MALRD1: variants seen among roughly 807,000 people sequenced by gnomAD.
MALRD1 encodes MAM and LDL-receptor class A domain-containing protein 1.
In MALRD1, 247 loss-of-function variants were observed where a neutral mutation model predicts 242.1. The ratio of observed to expected loss-of-function variants is 1.02; its 90% confidence interval spans 0.92 to 1.13. MALRD1 has a LOEUF of 1.13. Among genes scored for constraint, MALRD1 ranks in the 50% most tolerant of loss-of-function variants. The pLI is 0.00. For missense variants in MALRD1, 2,989 were observed against 2,533.1 expected (o/e 1.18, Z -3.86); for synonymous variants, 995 against 866.6 (o/e 1.15, Z -2.60).
intron 38 of MALRD1, among the ~76,000 whole-genome samples, chr10:19,706,508 G>A (rs999771695): frequency 2.0e-5 from 3 of 151,816 alleles, no homozygotes; most frequent in East Asian, 1.9e-4. Flanking sequence ...CTGCCACCAC[G>A]CCTGGCTAAT....
intron 29 of MALRD1, among the ~76,000 whole-genome samples, chr10:19,467,309 C>G (rs1242609210): frequency 2.8e-5 from 4 of 140,504 alleles, no homozygotes; most frequent in Admixed American, 1.6e-4. Flanking sequence ...GAGCCGAGAT[C>G]GCGCCACTGC....
At chr10:19,651,338 T>C (rs1840878360) in intron 36 of MALRD1, among the ~76,000 whole-genome samples, 3 of 152,146 alleles carry the variant, frequency 2.0e-5, no homozygotes, top group South Asian at 4.1e-4. Flanking sequence ...AATGTTTCTT[T>C]CTAAATTAAA....
At chr10:19,318,526 T>TA (rs542825253) in intron 21 of MALRD1, among the ~76,000 whole-genome samples, 12 of 151,408 alleles carry the variant, frequency 7.9e-5, no homozygotes, top group African/African-American at 2.7e-4. Flanking sequence ...GTTTTTTTTT[T>TA]TTATTATTTG....
At chr10:19,334,957 G>C (rs887117467) in intron 24 of MALRD1, among the ~76,000 whole-genome samples, 1 of 151,928 alleles carries the variant, frequency 6.6e-6, no homozygotes, top group Admixed American at 6.6e-5. Context: ...AATATTTCTT[G>C]AACTCTTTGT....
chr10:19,131,803 AT>A (rs1427175970), intron 8 of MALRD1, among the ~76,000 whole-genome samples: 1 of 152,170 alleles, frequency 6.6e-6, no homozygotes, highest in Non-Finnish European at 1.5e-5. Context: ...GCAAAGATAT[AT>A]TTTTTAAAAA....
intron 18 of MALRD1, among the ~76,000 whole-genome samples, chr10:19,228,977 A>ATG (rs542765706): frequency 0.11 from 10,213 of 90,334 alleles, 414 homozygotes; most frequent in East Asian, 0.31. Flanking sequence ...TGGGGAATGC[A>ATG]TGTGGTGTGT....
At chr10:19,734,046 A>T in intron 39 of MALRD1, 111 bp from the exon 40 acceptor site, 1 of 744,530 alleles carries the variant, frequency 1.3e-6, no homozygotes, top group Non-Finnish European at 2.1e-6. Flanking sequence ...TCTAGTTATT[A>T]CTCCAGTGAA....
chr10:19,107,671 A>T (rs1434222484), intron 5 of MALRD1, among the ~76,000 whole-genome samples: 1 of 150,400 alleles, frequency 6.6e-6, no homozygotes, highest in Non-Finnish European at 1.5e-5. Context: ...CTTTCATTTT[A>T]GTCGTTATTT....
chr10:19,611,492 A>G (rs1838893295), intron 35 of MALRD1, among the ~76,000 whole-genome samples: 1 of 152,046 alleles, frequency 6.6e-6, no homozygotes, highest in South Asian at 2.1e-4. Flanking sequence ...TTTCTGTGTA[A>G]TCAGTTGTGA....
intron 36 of MALRD1, among the ~76,000 whole-genome samples, chr10:19,642,162 G>T (rs943275270): frequency 5.3e-5 from 8 of 152,116 alleles, no homozygotes; most frequent in African/African-American, 1.9e-4. Flanking sequence ...GTTAGTTTAT[G>T]CATCTTCTCA....
intron 19 of MALRD1, among the ~76,000 whole-genome samples, chr10:19,258,206 A>G (rs1839602554): frequency 6.6e-6 from 1 of 152,160 alleles, no homozygotes; most frequent in Admixed American, 6.6e-5. Context: ...TATGTCTATT[A>G]AAATGACATA....
At chr10:19,457,966 T>C (rs970702731) in intron 29 of MALRD1, among the ~76,000 whole-genome samples, 1 of 152,088 alleles carries the variant, frequency 6.6e-6, no homozygotes, top group Non-Finnish European at 1.5e-5. Flanking sequence ...AAAGAATATT[T>C]GTTAACTACA....
At chr10:19,279,912 A>C (rs1840720869) in intron 19 of MALRD1, 135 bp from the exon 20 acceptor site, 6 of 557,068 alleles carry the variant, frequency 1.1e-5, no homozygotes, top group Non-Finnish European at 2.8e-6. Flanking sequence ...TTATTTTAGC[A>C]GAGTAGCTGA....
chr10:19,449,026 G>A (rs918404175), intron 28 of MALRD1, among the ~76,000 whole-genome samples: 9 of 152,216 alleles, frequency 5.9e-5, no homozygotes, highest in African/African-American at 1.9e-4. Context: ...TACACAATAT[G>A]AGTAGAAGTT....
chr10:19,415,621 A>G (rs1229867659), intron 28 of MALRD1, among the ~76,000 whole-genome samples: 3 of 152,180 alleles, frequency 2.0e-5, no homozygotes, highest in East Asian at 3.8e-4. Context: ...AAGTTGACTA[A>G]TTTTTTAAAA....
At chr10:19,241,104 C>T (rs1838749627) in intron 18 of MALRD1, among the ~76,000 whole-genome samples, 1 of 152,068 alleles carries the variant, frequency 6.6e-6, no homozygotes, top group Non-Finnish European at 1.5e-5. Context: ...CTTCCTTCCT[C>T]ATTACTTTTG....
chr10:19,730,875 T>C, intron 39 of MALRD1, 94 bp downstream of exon 39: 1 of 1,134,366 alleles, frequency 8.8e-7, no homozygotes, highest in Non-Finnish European at 1.2e-6. Flanking sequence ...TGCTTGATCA[T>C]GTTTCTACAT....
intron 22 of MALRD1, 60 bp from the exon 23 acceptor site, chr10:19,327,503 A>G (rs1422308389): frequency 3.0e-6 from 4 of 1,316,886 alleles, no homozygotes; most frequent in Admixed American, 4.5e-5. Context: ...AGAATTCTAC[A>G]TGTTTGCAAT....
intron 10 of MALRD1, 70 bp downstream of exon 10, chr10:19,136,851 T>G: frequency 1.9e-6 from 2 of 1,074,668 alleles, no homozygotes; most frequent in Non-Finnish European, 2.4e-6. Context: ...TAAAACAGTC[T>G]TTGTTTCTAT....
Sources: gnomAD v4.1 joint callset for allele counts (sites outside exome capture counted in the v4.1 genomes callset) on GRCh38, gnomAD v4.1.1 for gene constraint, MANE v1.5 for transcripts, NCBI Gene and HGNC (gene_info 2026-07-23, HGNC 2026-07-21) for gene names.